Variants in PCDH15 observed in about 807,000 individuals in gnomAD.
PCDH15 encodes protocadherin related 15.
PCDH15 carries 129 observed loss-of-function variants against 178.5 expected under a neutral mutation model. The ratio of observed to expected loss-of-function variants is 0.72; its 90% confidence interval spans 0.63 to 0.84. The LOEUF is 0.84. PCDH15 is among the 40% of genes least tolerant of loss of function. The pLI is 0.00. For synonymous variants in PCDH15, 800 were observed against 732.0 expected, an observed-to-expected ratio of 1.09 and a Z score of -1.50; for missense variants, 2,230 against 2,099.9, an observed-to-expected ratio of 1.06 and a Z score of -1.21.
intron 25 of PCDH15, among the ~76,000 whole-genome samples, chr10:53,935,025 A>G (rs1185491442): frequency 6.6e-6 from 1 of 152,190 alleles, no homozygotes; most frequent in African/African-American, 2.4e-5. Flanking sequence ...CAGAATTGCC[A>G]ACATGTAGAA....
At chr10:55,329,659 C>T (rs1436311067) in intron 2 of PCDH15, among the ~76,000 whole-genome samples, 1 of 151,686 alleles carries the variant, frequency 6.6e-6, no homozygotes, top group Non-Finnish European at 1.5e-5. Context: ...TTATTATTTC[C>T]CAATGACATG....
intron 3 of PCDH15, among the ~76,000 whole-genome samples, chr10:54,396,818 T>A (rs1313277345): frequency 6.6e-6 from 1 of 152,098 alleles, no homozygotes; most frequent in Admixed American, 6.6e-5. Context: ...AAACTATGAT[T>A]TCAAAACAGA....
At chr10:55,235,938 T>G (rs1841374871) in intron 1 of PCDH15, among the ~76,000 whole-genome samples, 1 of 145,644 alleles carries the variant, frequency 6.9e-6, no homozygotes, top group Admixed American at 6.8e-5. Context: ...AAAAAGAATC[T>G]CCTTCCATTT....
intron 35 of PCDH15, among the ~76,000 whole-genome samples, chr10:53,815,083 A>C (rs1160801419): frequency 6.6e-6 from 1 of 152,174 alleles, no homozygotes. Context: ...GTAGACTGTA[A>C]CAACCCCTTA....
chr10:55,567,058 T>G (rs922700981), intron 2 of PCDH15, among the ~76,000 whole-genome samples: 1 of 151,872 alleles, frequency 6.6e-6, no homozygotes, highest in South Asian at 2.1e-4. Flanking sequence ...ATCAAAACAT[T>G]GTGGTACTGG....
chr10:54,419,900 C>T (rs1758824), intron 3 of PCDH15, among the ~76,000 whole-genome samples: 31,250 of 151,854 alleles, frequency 0.21, 3,992 homozygotes, highest in African/African-American at 0.36. Flanking sequence ...AAAGCTCTCC[C>T]TGGGCTATTA....
At chr10:54,613,252 TA>T (rs933988124) in intron 2 of PCDH15, among the ~76,000 whole-genome samples, 1 of 151,852 alleles carries the variant, frequency 6.6e-6, no homozygotes, top group Non-Finnish European at 1.5e-5. Flanking sequence ...TATGTTTTTC[TA>T]AAATGAAGAG....
chr10:55,300,316 T>C (rs1291202472), intron 1 of PCDH15, among the ~76,000 whole-genome samples: 1 of 152,164 alleles, frequency 6.6e-6, no homozygotes, highest in Non-Finnish European at 1.5e-5. Flanking sequence ...TCCTGGATGA[T>C]CTTAGCCTTC....
intron 1 of PCDH15, among the ~76,000 whole-genome samples, chr10:55,229,047 T>A (rs1282124022): frequency 2.0e-5 from 3 of 151,846 alleles, no homozygotes; most frequent in Admixed American, 1.3e-4. Context: ...AGTATAGGAG[T>A]ATCTTTAATT....
intron 2 of PCDH15, among the ~76,000 whole-genome samples, chr10:55,480,393 T>C (rs1432025168): frequency 6.6e-6 from 1 of 151,794 alleles, no homozygotes; most frequent in Non-Finnish European, 1.5e-5. Flanking sequence ...ACAGAGGGCA[T>C]CTTTTTGTTG....
intron 3 of PCDH15, among the ~76,000 whole-genome samples, chr10:54,879,826 T>C (rs534762839): frequency 1.3e-5 from 2 of 152,118 alleles, no homozygotes; most frequent in African/African-American, 4.8e-5. Flanking sequence ...ATTTTATAGC[T>C]ATAGAATGTT....
chr10:54,678,650 T>G (rs1319292283), intron 1 of PCDH15, among the ~76,000 whole-genome samples: 2 of 152,192 alleles, frequency 1.3e-5, no homozygotes, highest in Non-Finnish European at 2.9e-5. Flanking sequence ...ATTAAAAATA[T>G]GCCTTTCCAA....
chr10:55,097,160 T>C (rs1842466245), intron 2 of PCDH15, among the ~76,000 whole-genome samples: 1 of 152,168 alleles, frequency 6.6e-6, no homozygotes, highest in South Asian at 2.1e-4. Context: ...AAGCACTTAC[T>C]AACCAAGTAT....
intron 2 of PCDH15, among the ~76,000 whole-genome samples, chr10:55,084,261 A>T (rs984216236): frequency 6.6e-6 from 1 of 151,742 alleles, no homozygotes; most frequent in Non-Finnish European, 1.5e-5. Flanking sequence ...ACCAAATAGA[A>T]GACACAGAAA....
At chr10:54,384,143 G>A (rs1328407714) in intron 3 of PCDH15, among the ~76,000 whole-genome samples, 1 of 151,796 alleles carries the variant, frequency 6.6e-6, no homozygotes, top group Non-Finnish European at 1.5e-5. Flanking sequence ...CAAAAATATG[G>A]TTTTAAAATG....
intron 2 of PCDH15, among the ~76,000 whole-genome samples, chr10:55,522,080 A>G (rs1264061237): frequency 6.6e-6 from 1 of 151,934 alleles, no homozygotes; most frequent in Non-Finnish European, 1.5e-5. Context: ...GAATTGCTGG[A>G]TCATGTGGTA....
intron 1 of PCDH15, among the ~76,000 whole-genome samples, chr10:55,183,377 TAA>T (rs1295656758): frequency 2.0e-5 from 3 of 151,938 alleles, no homozygotes; most frequent in African/African-American, 7.2e-5. Context: ...AAATCTGAGA[TAA>T]GTTTCAGAAC....
intron 3 of PCDH15, among the ~76,000 whole-genome samples, chr10:54,495,374 T>A (rs1053927923): frequency 1.3e-5 from 2 of 152,190 alleles, no homozygotes; most frequent in Non-Finnish European, 2.9e-5. Context: ...AAATAGCTTC[T>A]GCATCTATAA....
chr10:55,329,989 C>A (rs893783561), intron 2 of PCDH15, among the ~76,000 whole-genome samples: 7 of 151,736 alleles, frequency 4.6e-5, no homozygotes, highest in African/African-American at 1.4e-4. Context: ...ACATTACTTT[C>A]TTTCACTGTA....
Sources: gnomAD v4.1 joint callset for allele counts (sites outside exome capture counted in the v4.1 genomes callset) on GRCh38, gnomAD v4.1.1 for gene constraint, MANE v1.5 for transcripts, NCBI Gene and HGNC (gene_info 2026-07-23, HGNC 2026-07-21) for gene names.